Variants in TCAIM observed in about 807,000 individuals in gnomAD.
TCAIM encodes the protein T-cell activation inhibitor, mitochondrial.
TCAIM carries 36 observed loss-of-function variants against 58.6 expected under a neutral mutation model. The observed-to-expected ratio is 0.61, with a 90% CI of 0.47 to 0.81. The LOEUF is 0.81. Among genes scored for constraint, TCAIM ranks in the 30% least tolerant of loss-of-function variants. The pLI, the probability that TCAIM is intolerant of heterozygous loss-of-function variation, is 0.00. For synonymous variants in TCAIM, 172 were observed against 193.6 expected, an observed-to-expected ratio of 0.89 and a Z score of 0.93; for missense variants, 466 against 579.6, an observed-to-expected ratio of 0.80 and a Z score of 2.01.
chr3:44,340,593 TTAAA>T (rs1700836522), intron 1 of TCAIM: 1 of 152,224 alleles, frequency 6.6e-6, no homozygotes, highest in South Asian at 2.1e-4. Flanking sequence ...CAAGTTTGTA[TTAAA>T]TAATTATTTT....
chr3:44,375,939 A>G (rs1701558021), intron 5 of TCAIM, among the ~76,000 whole-genome samples: 1 of 152,246 alleles, frequency 6.6e-6, no homozygotes, highest in East Asian at 1.9e-4. Context: ...CTACCAACTG[A>G]TAAATGGATT....
chr3:44,381,334 A>T (rs1422798982), intron 5 of TCAIM, among the ~76,000 whole-genome samples: 1 of 152,188 alleles, frequency 6.6e-6, no homozygotes, highest in Non-Finnish European at 1.5e-5. Flanking sequence ...TGCGATACAC[A>T]CTAACAGAAT....
At chr3:44,376,839 A>C (rs1701573285) in intron 5 of TCAIM, among the ~76,000 whole-genome samples, 1 of 152,250 alleles carries the variant, frequency 6.6e-6, no homozygotes, top group African/African-American at 2.4e-5. Flanking sequence ...CTGTAATCCC[A>C]GCACTTTGGG....
Position 44,361,542 on chromosome 3 carries a change from T to G in TCAIM, c.319+24T>G, listed in dbSNP as rs753563301. The stretch of plus-strand genomic sequence containing the variant: ...CGGTACGTTTTTTATTTCTGGTGTG[T>G]CCCTTGCAAGCTTAATGTTAAATGT... On this transcript the variant is annotated intron_variant, in intron 4 of 10. Transcript: ENST00000342649. 2.6e-6 allele frequency: 4 copies of G among 1,559,638 alleles called. 1 individual carries two copies. In the South Asian group the frequency reaches 3.7e-5, roughly 15 times the overall value.
chr3:44,354,260 G>C (rs1305856081), intron 1 of TCAIM, among the ~76,000 whole-genome samples: 1 of 152,158 alleles, frequency 6.6e-6, no homozygotes, highest in Non-Finnish European at 1.5e-5. Context: ...TCTCTATTCT[G>C]TTTCATGGAT....
At chr3:44,375,297 C>T (rs1441224026) in intron 5 of TCAIM, among the ~76,000 whole-genome samples, 1 of 152,146 alleles carries the variant, frequency 6.6e-6, no homozygotes, top group African/African-American at 2.4e-5. Flanking sequence ...GCTCATGGTT[C>T]TGCAGGCTGT....
chr3:44,385,776 T>C (rs1236288049), intron 5 of TCAIM, among the ~76,000 whole-genome samples: 1 of 151,932 alleles, frequency 6.6e-6, no homozygotes, highest in Non-Finnish European at 1.5e-5. Context: ...TTGTCTCTTA[T>C]TACCTTCACC....
chr3:44,377,460 GAAGAACCAAACAAGAAAT>G (rs1390020751), intron 5 of TCAIM, among the ~76,000 whole-genome samples: 1 of 152,134 alleles, frequency 6.6e-6, no homozygotes, highest in Non-Finnish European at 1.5e-5. Flanking sequence ...ATAGTGTATA[GAAGAACCAAACAAGAAAT>G]AAGTAAGGAA....
intron 8 of TCAIM, among the ~76,000 whole-genome samples, chr3:44,397,130 T>G (rs1575277982): frequency 6.6e-6 from 1 of 152,304 alleles, no homozygotes; most frequent in East Asian, 1.9e-4. Flanking sequence ...CTTAACAGAT[T>G]TATTGAGGTA....
chr3:44,349,614 A>G (rs564769230), intron 1 of TCAIM, among the ~76,000 whole-genome samples: 29 of 151,652 alleles, frequency 1.9e-4, no homozygotes, highest in African/African-American at 4.8e-4. Context: ...CCGTGGTGAT[A>G]ACACACCTCT....
intron 5 of TCAIM, among the ~76,000 whole-genome samples, chr3:44,382,842 A>G (rs1411712742): frequency 6.6e-6 from 1 of 152,206 alleles, no homozygotes; most frequent in Non-Finnish European, 1.5e-5. Flanking sequence ...ACTCATATAT[A>G]TGATAAAGGA....
chr3:44,375,648 C>G (rs1334477131), intron 5 of TCAIM, among the ~76,000 whole-genome samples: 1 of 152,192 alleles, frequency 6.6e-6, no homozygotes, highest in Non-Finnish European at 1.5e-5. Flanking sequence ...AAACAGACAA[C>G]CACAACCAGT....
At chr3:44,342,144 A>C (rs1700867173) in intron 1 of TCAIM, among the ~76,000 whole-genome samples, 1 of 152,232 alleles carries the variant, frequency 6.6e-6, no homozygotes, top group Non-Finnish European at 1.5e-5. Flanking sequence ...AAATTCAATA[A>C]AATATTCACT....
intron 6 of TCAIM, among the ~76,000 whole-genome samples, 192 bp from the exon 7 acceptor site, chr3:44,396,208 C>A (rs1409876231): frequency 5.3e-5 from 8 of 152,186 alleles, no homozygotes; most frequent in African/African-American, 1.9e-4. Context: ...CTCTGGTAAA[C>A]AATTCATTTT....
Position 44,407,799 on chromosome 3 carries a change from G to C in TCAIM, c.*117G>C. 9.0e-7 allele frequency: 1 copy of C among 1,110,860 alleles called. No individual in the cohort carries two copies. The highest frequency in any genetic ancestry group is 1.2e-6 in the Non-Finnish European group (1 of 821,516). The allele number at this position is 1,110,860 out of a possible 1,614,324, so 68.8% of individuals were successfully genotyped here. A position where few individuals can be genotyped will look rare whatever the true frequency, so the allele number is the denominator to read the frequency against. On this transcript the variant is annotated 3_prime_UTR_variant, in exon 11 of 11. Transcript: ENST00000342649. ...CATAAGAACAAAGTTTCTAACTGCT[G>C]CTTTAAAAGTAGACTTTTTTAAAAA...
chr3:44,400,430 T>C lies in TCAIM; in HGVS notation c.961T>C (p.Leu321=), dbSNP rs759335497. The C allele has an allele frequency of 6.2e-7, 1 of 1,613,862 alleles. No individual in the cohort carries two copies. The highest frequency in any genetic ancestry group is 8.5e-7 in the Non-Finnish European group (1 of 1,179,890). ...TTTAGAAGACCAAATAAGCTATCTT[T>C]TAGGTGGCATACAAGTTGTTTATAT... The part of the protein sequence containing the change: ...MILEDQISYL[L]GGIQVVYIEE... The change falls in exon 9 of 11, where the codon TTA becomes CTA. Residue 321 remains leucine (L), a synonymous_variant. Coordinates refer to ENST00000342649, the MANE Select transcript of TCAIM (RefSeq NM_173826.4).
chr3:44,394,588 A>G (rs890758926), intron 6 of TCAIM, among the ~76,000 whole-genome samples: 1 of 152,016 alleles, frequency 6.6e-6, no homozygotes, highest in African/African-American at 2.4e-5. Context: ...AATTTATATT[A>G]TGGTAAATGT....
intron 8 of TCAIM, among the ~76,000 whole-genome samples, chr3:44,397,421 C>G (rs73090458): frequency 0.18 from 27,489 of 152,158 alleles, 2,735 homozygotes; most frequent in Middle Eastern, 0.29. Flanking sequence ...GTTTCTTTCA[C>G]TGTCTCATTT....
At chr3:44,400,817 T>C (rs1559585053) in intron 9 of TCAIM, 4 of 550,974 alleles carry the variant, frequency 7.3e-6, no homozygotes, top group Non-Finnish European at 1.3e-5. Flanking sequence ...GCAGATTTAC[T>C]GGGCAAAGTC....
Sources: gnomAD v4.1 joint callset for allele counts (sites outside exome capture counted in the v4.1 genomes callset) on GRCh38, gnomAD v4.1.1 for gene constraint, MANE v1.5 for transcripts, NCBI Gene and HGNC (gene_info 2026-07-23, HGNC 2026-07-21) for gene names.